Variants in ANK2 observed in about 807,000 individuals in gnomAD.
ANK2 encodes the protein ankyrin-2.
ANK2 carries 83 observed loss-of-function variants against 360.5 expected under a neutral mutation model. The observed-to-expected ratio is 0.23, with a 90% CI of 0.19 to 0.28. ANK2 has a LOEUF of 0.28. Ranked by LOEUF, ANK2 falls within the 10% of genes least tolerant of loss-of-function variation. The pLI is 1.00. For synonymous variants in ANK2, 1,740 were observed against 1,759.5 expected, an observed-to-expected ratio of 0.99 and a Z score of 0.28; for missense variants, 4,201 against 4,795.7, an observed-to-expected ratio of 0.88 and a Z score of 3.66.
At chr4:112,978,967 G>C (rs1267246078) in intron 2 of ANK2, among the ~76,000 whole-genome samples, 1 of 152,128 alleles carries the variant, frequency 6.6e-6, no homozygotes, top group Non-Finnish European at 1.5e-5. Context: ...ATTTCTCTGG[G>C]ACCAGGTGTT....
chr4:113,069,792 T>A (rs1194958474), intron 1 of ANK2: 1 of 152,190 alleles, frequency 6.6e-6, no homozygotes, highest in Non-Finnish European at 1.5e-5. Context: ...TATTCAGTCC[T>A]CCTGGCCTCC....
chr4:112,978,322 T>A (rs1020805996), intron 2 of ANK2, among the ~76,000 whole-genome samples: 3 of 152,362 alleles, frequency 2.0e-5, no homozygotes, highest in African/African-American at 7.2e-5. Flanking sequence ...ATAATTTTGT[T>A]CCACTTTTTT....
chr4:113,244,243 A>T (rs373441902), intron 9 of ANK2, among the ~76,000 whole-genome samples: 1 of 80,754 alleles, frequency 1.2e-5, no homozygotes, highest in African/African-American at 3.3e-5. Flanking sequence ...CCTTAAACAA[A>T]TAACTATTGA....
chr4:112,842,376 C>G (rs1427428168), intron 1 of ANK2, among the ~76,000 whole-genome samples: 2 of 152,206 alleles, frequency 1.3e-5, no homozygotes, highest in Non-Finnish European at 2.9e-5. Flanking sequence ...CTGAAGAAAG[C>G]AATAGTTTAA....
the ANK2 span, among the ~76,000 whole-genome samples, chr4:112,736,605 A>G: frequency 1.3e-5 from 2 of 152,212 alleles, no homozygotes; most frequent in Non-Finnish European, 2.9e-5. Context: ...CCCCTTCACA[A>G]TGGCAGATTT....
chr4:113,159,902 G>A (rs370307597), intron 1 of ANK2, among the ~76,000 whole-genome samples: 2 of 152,110 alleles, frequency 1.3e-5, no homozygotes, highest in South Asian at 2.1e-4. Context: ...AATTTCAGAC[G>A]TGAGCCACTG....
the ANK2 span, among the ~76,000 whole-genome samples, chr4:112,807,242 C>T: frequency 6.6e-6 from 1 of 152,220 alleles, no homozygotes; most frequent in Non-Finnish European, 1.5e-5. Context: ...TGTTTCCTAT[C>T]ACGGTTGCTA....
At chr4:113,306,607 A>G (rs181558778) in intron 23 of ANK2, among the ~76,000 whole-genome samples, 2 of 152,348 alleles carry the variant, frequency 1.3e-5, no homozygotes, top group East Asian at 3.9e-4. Flanking sequence ...GAAAGCATTT[A>G]CTAAATCTCT....
At chr4:113,190,204 A>C (rs924706364) in intron 2 of ANK2, among the ~76,000 whole-genome samples, 4 of 152,180 alleles carry the variant, frequency 2.6e-5, no homozygotes, top group Non-Finnish European at 5.9e-5. Context: ...TCTGTCACCC[A>C]GGCTGGAGTG....
chr4:112,994,442 C>T (rs1002621201), intron 2 of ANK2, among the ~76,000 whole-genome samples: 1 of 152,162 alleles, frequency 6.6e-6, no homozygotes, highest in South Asian at 2.1e-4. Context: ...ACATTTCTAT[C>T]TCAGCTAGGT....
chr4:112,738,047 T>TTATGTACTGAGA, the ANK2 span, among the ~76,000 whole-genome samples: 2 of 152,220 alleles, frequency 1.3e-5, no homozygotes, highest in Admixed American at 6.5e-5. Context: ...CATTTACTAA[T>TTATGTACTGAGA]TCCACAATTA....
At chr4:112,970,480 G>A (rs1385724609) in intron 2 of ANK2, among the ~76,000 whole-genome samples, 23 of 151,952 alleles carry the variant, frequency 1.5e-4, no homozygotes, top group Admixed American at 6.5e-5. Flanking sequence ...TCAGCCTCCC[G>A]AGTAGCTGGG....
intron 2 of ANK2, among the ~76,000 whole-genome samples, chr4:112,959,819 A>G (rs1399109829): frequency 6.6e-6 from 1 of 152,158 alleles, no homozygotes. Flanking sequence ...AGCTCCAGAC[A>G]CTTGTTGGGC....
rs1588071733 is a variant in ANK2, at chr4:113,317,376, T to A, written c.2694-331T>A. ...ATTTAAGCAATCTATCCTGGAATTA[T>A]TTCCTGAGTGAATTTCTGGTACTGG... On this transcript the variant is annotated intron_variant, in intron 24 of 45. Coordinates refer to ENST00000357077, the MANE Select transcript of ANK2 (RefSeq NM_001148.6). 25 of 375,464 alleles carry A rather than the reference T, an allele frequency of 6.7e-5. 1 individual carries two copies. Among genetic ancestry groups the A allele is most frequent in the South Asian group, 5.9e-4 (25 of 42,422 alleles). 23.3% of individuals were successfully genotyped at this position (375,464 alleles called of 1,614,324 possible).
chr4:112,725,159 G>A, the ANK2 span, among the ~76,000 whole-genome samples: 1 of 151,014 alleles, frequency 6.6e-6, no homozygotes, highest in Non-Finnish European at 1.5e-5. Flanking sequence ...GCGGGCGCCT[G>A]TAGTTCCAGC....
intron 10 of ANK2, among the ~76,000 whole-genome samples, chr4:113,251,831 T>C (rs891248947): frequency 8.6e-5 from 13 of 150,818 alleles, no homozygotes; most frequent in African/African-American, 2.9e-4. Flanking sequence ...GTGGGCATGA[T>C]AGAAAAAAAA....
intron 1 of ANK2, chr4:112,881,833 T>C: frequency 1.1e-6 from 1 of 938,802 alleles, no homozygotes; most frequent in Non-Finnish European, 1.7e-6. Context: ...ACAAATATCT[T>C]TTTCACAGTT....
chr4:113,247,455 G>T (rs1225510168), intron 9 of ANK2, among the ~76,000 whole-genome samples: 1 of 152,068 alleles, frequency 6.6e-6, no homozygotes, highest in Non-Finnish European at 1.5e-5. Flanking sequence ...AATCCTTATT[G>T]TTCCTTGATG....
intron 1 of ANK2, among the ~76,000 whole-genome samples, chr4:113,159,200 C>CACAG (rs2154401519): frequency 1.3e-5 from 2 of 148,650 alleles, no homozygotes; most frequent in South Asian, 4.2e-4. Context: ...TCCACACACA[C>CACAG]ACACACACAC....
Sources: allele counts gnomAD v4.1 joint callset (sites outside exome capture counted in the v4.1 genomes callset), GRCh38; gene constraint gnomAD v4.1.1; transcripts MANE v1.5; gene names NCBI Gene and HGNC (gene_info 2026-07-23, HGNC 2026-07-21).